ANKIB1: variants seen among roughly 807,000 people sequenced by gnomAD.
ANKIB1 encodes the protein ankyrin repeat and IBR domain containing 1.
A neutral mutation model predicts 122.1 loss-of-function variants in ANKIB1; 43 were observed. The ratio of observed to expected loss-of-function variants is 0.35; its 90% CI spans 0.28 to 0.45. The LOEUF is 0.45. Ranked by LOEUF, ANKIB1 falls within the 20% of genes least tolerant of loss-of-function variation. The probability of loss-of-function intolerance (pLI) is 1.00; values close to 1 mark genes in which losing one functional copy is unlikely to be tolerated. For missense variants in ANKIB1, 992 were observed against 1,329.5 expected (o/e 0.75, Z 3.95); for synonymous variants, 390 against 442.0 (o/e 0.88, Z 1.48).
chr7:92,392,373 A>G, intron 17 of ANKIB1, 81 bp downstream of exon 17: 1 of 1,271,738 alleles, frequency 7.9e-7, no homozygotes, highest in South Asian at 1.4e-5. Flanking sequence ...TCTATTCTAA[A>G]TCCTTCTGAG....
At chr7:92,326,221 A>G (rs898926332) in intron 4 of ANKIB1, among the ~76,000 whole-genome samples, 3 of 152,226 alleles carry the variant, frequency 2.0e-5, no homozygotes, top group African/African-American at 7.2e-5. Context: ...ATTTTAAAAA[A>G]CTGGATCTAT....
At chr7:92,283,855 C>G (rs1177577205) in intron 1 of ANKIB1, among the ~76,000 whole-genome samples, 1 of 152,192 alleles carries the variant, frequency 6.6e-6, no homozygotes, top group African/African-American at 2.4e-5. Context: ...ACTGCAACCT[C>G]CGTCTCCCTG....
intron 8 of ANKIB1, among the ~76,000 whole-genome samples, chr7:92,351,699 C>T: frequency 6.9e-6 from 1 of 144,386 alleles, no homozygotes; most frequent in Admixed American, 6.9e-5. Context: ...TTTTAAAAGA[C>T]AAGTCCTCCT....
intron 1 of ANKIB1, among the ~76,000 whole-genome samples, chr7:92,288,299 G>T (rs969721831): frequency 6.6e-6 from 1 of 152,098 alleles, no homozygotes; most frequent in Non-Finnish European, 1.5e-5. Flanking sequence ...TGACAAATAC[G>T]TGCACCATTT....
intron 1 of ANKIB1, among the ~76,000 whole-genome samples, chr7:92,246,783 C>T (rs994831630): frequency 2.6e-5 from 4 of 152,320 alleles, no homozygotes; most frequent in South Asian, 2.1e-4. Context: ...ATCTCCTTGT[C>T]CCTCTGTCCT....
intron 14 of ANKIB1, 66 bp from the exon 15 acceptor site, chr7:92,389,905 G>T: frequency 1.4e-6 from 2 of 1,470,092 alleles, no homozygotes; most frequent in South Asian, 1.3e-5. Flanking sequence ...AAAAATCATT[G>T]TTTAATTAAT....
At chr7:92,339,757 G>A (rs759723601) in intron 5 of ANKIB1, among the ~76,000 whole-genome samples, 2 of 151,932 alleles carry the variant, frequency 1.3e-5, no homozygotes, top group Non-Finnish European at 2.9e-5. Context: ...ATGTGTATAC[G>A]CTGAGTTTTC....
intron 1 of ANKIB1, among the ~76,000 whole-genome samples, chr7:92,263,023 A>G (rs990984850): frequency 2.0e-5 from 3 of 152,178 alleles, no homozygotes; most frequent in Non-Finnish European, 2.9e-5. Context: ...GCCAGGATTC[A>G]AACCAAGATT....
intron 7 of ANKIB1, among the ~76,000 whole-genome samples, chr7:92,348,871 A>G (rs1803599279): frequency 6.6e-6 from 1 of 152,244 alleles, no homozygotes; most frequent in South Asian, 2.1e-4. Flanking sequence ...AGAGAAATCA[A>G]GGAAGATAAA....
intron 1 of ANKIB1, among the ~76,000 whole-genome samples, chr7:92,249,554 A>G (rs1355448159): frequency 6.6e-6 from 1 of 152,096 alleles, no homozygotes; most frequent in African/African-American, 2.4e-5. Flanking sequence ...CTCTGTCTCT[A>G]CTAAAGATAC....
At chr7:92,382,698 A>G (rs1804544763) in intron 11 of ANKIB1, among the ~76,000 whole-genome samples, 1 of 152,380 alleles carries the variant, frequency 6.6e-6, no homozygotes, top group Admixed American at 6.5e-5. Flanking sequence ...CAATGAGAAC[A>G]AAGACACAAC....
At chr7:92,273,588 A>G (rs575130789) in intron 1 of ANKIB1, among the ~76,000 whole-genome samples, 3 of 152,314 alleles carry the variant, frequency 2.0e-5, no homozygotes, top group African/African-American at 7.2e-5. Flanking sequence ...AAGTAAATGT[A>G]GGGAAAACAG....
chr7:92,297,494 T>C (rs1455177352), intron 2 of ANKIB1, among the ~76,000 whole-genome samples: 3 of 152,214 alleles, frequency 2.0e-5, no homozygotes, highest in Non-Finnish European at 2.9e-5. Flanking sequence ...CTCACCGCTA[T>C]AATCCTTAAT....
chr7:92,401,011 G>A lies in ANKIB1; in HGVS notation c.*2062G>A, dbSNP rs962996126. ...AAAGAATGCTCTGTGTGAAGACAGT[G>A]TACACAATGGGTTCCGGTTTCCTTG... On this transcript the variant is annotated 3_prime_UTR_variant, in exon 20 of 20. Coordinates refer to ENST00000265742, the MANE Select transcript of ANKIB1 (RefSeq NM_019004.2). The A allele has an allele frequency of 8.5e-5, 13 of 152,194 alleles. No homozygotes were observed. The highest frequency in any genetic ancestry group is 3.1e-4 in the African/African-American group (13 of 41,454). 9.4% of individuals were successfully genotyped at this position (152,194 alleles called of 1,614,324 possible).
At chr7:92,281,997 C>A (rs960825344) in intron 1 of ANKIB1, among the ~76,000 whole-genome samples, 1 of 152,080 alleles carries the variant, frequency 6.6e-6, no homozygotes, top group Non-Finnish European at 1.5e-5. Flanking sequence ...TGCTTAAAAG[C>A]AGTAAAAATT....
intron 5 of ANKIB1, among the ~76,000 whole-genome samples, chr7:92,329,780 G>A (rs1803123379): frequency 6.6e-6 from 1 of 152,088 alleles, no homozygotes; most frequent in East Asian, 1.9e-4. Context: ...TTATCTTTCA[G>A]CCTCCCTTCA....
intron 11 of ANKIB1, among the ~76,000 whole-genome samples, chr7:92,377,670 A>T (rs1017667331): frequency 1.3e-5 from 2 of 152,216 alleles, no homozygotes; most frequent in African/African-American, 2.4e-5. Flanking sequence ...AATAATAAGG[A>T]CTATAACTTC....
intron 4 of ANKIB1, among the ~76,000 whole-genome samples, chr7:92,320,163 C>T (rs1305046596): frequency 6.6e-6 from 1 of 152,032 alleles, no homozygotes; most frequent in Non-Finnish European, 1.5e-5. Context: ...ATCTTAAAAA[C>T]AAAACAAAAA....
At chr7:92,253,883 G>A (rs748266720) in intron 1 of ANKIB1, among the ~76,000 whole-genome samples, 1 of 152,128 alleles carries the variant, frequency 6.6e-6, no homozygotes, top group Non-Finnish European at 1.5e-5. Context: ...TCTGTCTAGA[G>A]GTAGAATCTA....
Sources: gnomAD v4.1 joint callset for allele counts (sites outside exome capture counted in the v4.1 genomes callset) on GRCh38, gnomAD v4.1.1 for gene constraint, MANE v1.5 for transcripts, NCBI Gene and HGNC (gene_info 2026-07-23, HGNC 2026-07-21) for gene names.